GABRA5: variants seen among roughly 807,000 people sequenced by gnomAD.
The protein encoded by GABRA5 is gamma-aminobutyric acid type A receptor subunit alpha5, also known as gamma-aminobutyric acid receptor subunit alpha-5.
GABRA5 carries 18 observed loss-of-function variants against 47.3 expected under a neutral mutation model. The ratio of observed to expected loss-of-function variants is 0.38; its 90% CI spans 0.26 to 0.56. The LOEUF (loss-of-function observed/expected upper bound fraction) is 0.56, where lower values mean the gene tolerates loss of function less well. Ranked by LOEUF, GABRA5 falls within the 20% of genes least tolerant of loss-of-function variation. The pLI, the probability that GABRA5 is intolerant of heterozygous loss-of-function variation, is 0.71. For synonymous variants in GABRA5, 237 were observed against 229.3 expected (o/e 1.03, Z -0.30); for missense variants, 365 against 599.3 (o/e 0.61, Z 4.08).
chr15:26,877,161 CAG>C lies in GABRA5; in HGVS notation c.87-3682_87-3681del, dbSNP rs1892619699. On this transcript the variant is annotated intron_variant, in intron 3 of 10. Transcript: ENST00000335625. Reference sequence around the variant, plus strand: ...AGCATGATGTTCCATGGCACAGACTCAGAGCCTCATAAAACAATGTGGTGCCT... The same window carrying C: ...AGCATGATGTTCCATGGCACAGACTCAGCCTCATAAAACAATGTGGTGCCT... 2.6e-5 allele frequency among the ~76,000 whole-genome samples: 4 copies of C among 152,346 alleles called. 1 individual carries two copies. The South Asian group carries it at 8.3e-4, about 32-fold the overall frequency.
chr15:26,883,414 C>T lies in GABRA5; in HGVS notation c.354C>T (p.Leu118=). Residue 118 remains leucine, a synonymous_variant, in exon 6 of 11, where the codon CTC becomes CTT. Coordinates refer to ENST00000335625, the MANE Select transcript of GABRA5 (RefSeq NM_000810.4). The surrounding 1 kb of genome is among the most constrained non-coding windows in gnomAD (Gnocchi z 4.8). ...GGTTTAAGGGGCCCATGCAGCGCCT[C>T]CCTCTCAACAACCTCCTTGCCAGCA... is the stretch of plus-strand genomic sequence containing the variant. ...RLRFKGPMQR[L]PLNNLLASKI... The T allele has an allele frequency of 6.2e-7, 1 of 1,614,108 alleles. No individual in the cohort carries two copies. Among genetic ancestry groups the T allele is most frequent in the Non-Finnish European group, 8.5e-7 (1 of 1,179,962 alleles).
intron 10 of GABRA5, among the ~76,000 whole-genome samples, chr15:26,946,587 T>A (rs1894517783): frequency 6.6e-6 from 1 of 152,206 alleles, no homozygotes; most frequent in Non-Finnish European, 1.5e-5. Context: ...AACGCACAAG[T>A]ACTAACAGCA....
chr15:26,868,081 C>A (rs1892366517), intron 1 of GABRA5: 4 of 151,938 alleles, frequency 2.6e-5, no homozygotes, highest in African/African-American at 9.7e-5. Flanking sequence ...CGCCCACCTG[C>A]CCTGGCGCGC....
chr15:26,884,488 G>A (rs993136636), intron 6 of GABRA5, among the ~76,000 whole-genome samples: 47 of 152,150 alleles, frequency 3.1e-4, no homozygotes, highest in African/African-American at 1.1e-3. Context: ...GAAAAAAACA[G>A]CATTAAAGTC....
chr15:26,946,008 G>C (rs1400670974), intron 10 of GABRA5, among the ~76,000 whole-genome samples: 2 of 152,122 alleles, frequency 1.3e-5, no homozygotes, highest in South Asian at 2.1e-4. Flanking sequence ...AGGCGGGGAC[G>C]GCAAAACTGC....
chr15:26,901,760 T>C (rs1433580363), intron 6 of GABRA5, among the ~76,000 whole-genome samples: 1 of 152,184 alleles, frequency 6.6e-6, no homozygotes, highest in Non-Finnish European at 1.5e-5. Context: ...TTTTCTCTTA[T>C]GTTATAGGAG....
intron 6 of GABRA5, among the ~76,000 whole-genome samples, chr15:26,902,159 C>T (rs987013480): frequency 2.6e-5 from 4 of 152,020 alleles, no homozygotes; most frequent in Non-Finnish European, 5.9e-5. Context: ...ATATTAGAAT[C>T]AGTTTGTTAA....
At chr15:26,933,430 T>C (rs1186026019) in intron 7 of GABRA5, among the ~76,000 whole-genome samples, 1 of 152,184 alleles carries the variant, frequency 6.6e-6, no homozygotes, top group Non-Finnish European at 1.5e-5. Flanking sequence ...GGGTAAGCAA[T>C]TGTTACATGA....
In GABRA5 at chr15:26,939,695, G is replaced by A. The variant is rs142398489; in HGVS notation, c.725-230G>A. Among the ~76,000 whole-genome samples the A allele has an allele frequency of 6.7e-4, 102 of 152,212 alleles. 1 individual carries two copies. Among genetic ancestry groups the A allele is most frequent in the African/African-American group, 2.1e-3 (88 of 41,534 alleles). On this transcript the variant is annotated intron_variant, in intron 8 of 10. Transcript: ENST00000335625. ...ACACAAATCTGATTTTCCCCAGGAA[G>A]AGCATCCGTCATCAAAGGCTCTTCA...
At chr15:26,903,323 T>C (rs373293026) in intron 6 of GABRA5, among the ~76,000 whole-genome samples, 2 of 152,336 alleles carry the variant, frequency 1.3e-5, no homozygotes, top group East Asian at 3.9e-4. Flanking sequence ...TTCCATGGTG[T>C]ATATGTACCA....
At chr15:26,926,379 G>C (rs1893962229) in intron 7 of GABRA5, among the ~76,000 whole-genome samples, 1 of 152,058 alleles carries the variant, frequency 6.6e-6, no homozygotes, top group African/African-American at 2.4e-5. Context: ...GGAATTAGAA[G>C]AGGAATTATA....
At chr15:26,895,826 A>AAAAAAAAAAAAAAGAAG (rs1458730535) in intron 6 of GABRA5, among the ~76,000 whole-genome samples, 19 of 136,044 alleles carry the variant, frequency 1.4e-4, no homozygotes, top group African/African-American at 4.6e-4. Flanking sequence ...AAAAAAAAAA[A>AAAAAAAAAAAAAAGAAG]AAGAAGAAGA....
At chr15:26,880,259 G>A (rs1892696004) in intron 3 of GABRA5, among the ~76,000 whole-genome samples, 1 of 152,102 alleles carries the variant, frequency 6.6e-6, no homozygotes, top group African/African-American at 2.4e-5. Flanking sequence ...TTGTGAGCTG[G>A]CACACTGAAG....
rs547960484 is a variant in GABRA5, at chr15:26,928,132, G to A, written c.581-9053G>A. On this transcript the variant is annotated intron_variant, in intron 7 of 10. Coordinates refer to ENST00000335625, the MANE Select transcript of GABRA5 (RefSeq NM_000810.4). ...GCCATGAGATGACATCTGGATTCACGAAAATATGTACTAAATTAGAACTGG... is the reference window on the plus strand; with the variant it reads ...GCCATGAGATGACATCTGGATTCACAAAAATATGTACTAAATTAGAACTGG... Among the ~76,000 whole-genome samples the A allele has an allele frequency of 1.4e-3, 211 of 152,270 alleles. 1 individual carries two copies. The highest frequency in any genetic ancestry group is 4.7e-3 in the African/African-American group (194 of 41,570).
intron 9 of GABRA5, among the ~76,000 whole-genome samples, chr15:26,942,132 G>C (rs1251498610): frequency 6.6e-6 from 1 of 152,188 alleles, no homozygotes; most frequent in African/African-American, 2.4e-5. Flanking sequence ...TCATCTCCTT[G>C]CTGGCGAGCT....
intron 7 of GABRA5, among the ~76,000 whole-genome samples, chr15:26,923,315 A>G (rs1254057578): frequency 1.3e-5 from 2 of 152,130 alleles, no homozygotes; most frequent in Admixed American, 1.3e-4. Flanking sequence ...GTTTTTATTC[A>G]TCTAAGAATG....
intron 7 of GABRA5, among the ~76,000 whole-genome samples, chr15:26,920,126 C>G (rs1893809518): frequency 6.6e-6 from 1 of 151,982 alleles, no homozygotes; most frequent in Non-Finnish European, 1.5e-5. Flanking sequence ...ATCTGTTTCT[C>G]CATTTCCTTT....
chr15:26,888,090 A>C (rs1010706116), intron 6 of GABRA5, among the ~76,000 whole-genome samples: 1 of 152,226 alleles, frequency 6.6e-6, no homozygotes, highest in Non-Finnish European at 1.5e-5. Context: ...ATTCAAAAAA[A>C]GCTGAGGGAA....
intron 7 of GABRA5, among the ~76,000 whole-genome samples, chr15:26,919,457 C>T (rs552475800): frequency 2.0e-5 from 3 of 152,050 alleles, no homozygotes; most frequent in Non-Finnish European, 4.4e-5. Flanking sequence ...ATATCTTAAA[C>T]GTATAACACT....
Sources: gnomAD v4.1 joint callset for allele counts (sites outside exome capture counted in the v4.1 genomes callset) on GRCh38, gnomAD v4.1.1 for gene constraint, Gnocchi (gnomAD v3.1) non-coding constraint, MANE v1.5 for transcripts, NCBI Gene and HGNC (gene_info 2026-07-23, HGNC 2026-07-21) for gene names.